ZNF345: variants seen among roughly 807,000 people sequenced by gnomAD.
ZNF345 encodes zinc finger protein 345, also known as zinc finger protein HZF10.
For missense variants in ZNF345, 527 were observed against 589.9 expected, an observed-to-expected ratio of 0.89 and a Z score of 1.10; for synonymous variants, 166 against 187.9, an observed-to-expected ratio of 0.88 and a Z score of 0.95.
At chr19:36,870,361 T>G (rs773692062) in intron 2 of ZNF345, among the ~76,000 whole-genome samples, 8 of 152,202 alleles carry the variant, frequency 5.3e-5, no homozygotes, top group Non-Finnish European at 7.3e-5. Context: ...TTTCTTGGGT[T>G]TAGAGACATC....
rs963729444 is a variant in ZNF345 at position 36,885,593 on chromosome 19, T to C, written c.47-7225T>C. ...TGTGTGCGTGTGTGTGTGTGTTTCA[T>C]GCCTACAAACTTATGAAGGTATTCT... is the stretch of plus-strand genomic sequence containing the variant. On this transcript the variant is annotated intron_variant, in intron 3 of 3. Coordinates refer to the ZNF345 transcript ENST00000526123. Among the ~76,000 whole-genome samples, 5 of 152,144 alleles carry C rather than the reference T, an allele frequency of 3.3e-5. No individual in the cohort carries two copies. In the South Asian group the frequency reaches 8.3e-4, roughly 25 times the overall value.
At chr19:36,862,290 C>A (rs2072565138) in intron 2 of ZNF345, among the ~76,000 whole-genome samples, 1 of 152,048 alleles carries the variant, frequency 6.6e-6, no homozygotes, top group African/African-American at 2.4e-5. Flanking sequence ...TTTGTTAGTT[C>A]CTACCGTTTG....
rs1568366682 is a variant in ZNF345, at chr19:36,891,958, G to A, written c.47-860G>A. The A allele has an allele frequency of 5.6e-6, 9 of 1,613,704 alleles. No homozygotes were observed. In the South Asian group the frequency reaches 6.6e-5, roughly 12 times the overall value. The stretch of plus-strand genomic sequence containing the variant: ...ATGTAGAAAAAGTTGTGAACTTTTA[G>A]TAAAGGCTTTTCCACATACTTTACA... On this transcript the variant is annotated intron_variant, in intron 3 of 3. Coordinates refer to the ZNF345 transcript ENST00000526123.
At chr19:36,869,001 T>G (rs548232) in intron 2 of ZNF345, among the ~76,000 whole-genome samples, 3 of 152,194 alleles carry the variant, frequency 2.0e-5, no homozygotes, top group South Asian at 4.1e-4. Context: ...TCATGTTAAG[T>G]CTTCTAATCC....
At chr19:36,852,831 A>G (rs1388956423) in intron 2 of ZNF345, among the ~76,000 whole-genome samples, 1 of 150,648 alleles carries the variant, frequency 6.6e-6, no homozygotes, top group Non-Finnish European at 1.5e-5. Context: ...AATAAAGTTG[A>G]GCATTGATTC....
chr19:36,856,557 C>T (rs1172864672), intron 2 of ZNF345, among the ~76,000 whole-genome samples: 3 of 152,022 alleles, frequency 2.0e-5, no homozygotes, highest in Non-Finnish European at 4.4e-5. Flanking sequence ...TGTGTCACTT[C>T]TTAAGATTGT....
Position 36,878,429 on chromosome 19 carries a change from A to G in ZNF345, c.*132A>G, listed in dbSNP as rs139360979. 1.4e-6 allele frequency: 1 copy of G among 711,962 alleles called. No homozygotes were observed. Among genetic ancestry groups the G allele is most frequent in the Non-Finnish European group, 2.1e-6 (1 of 474,588 alleles). 44.1% of individuals were successfully genotyped at this position (711,962 alleles called of 1,614,324 possible). A position where few individuals can be genotyped will look rare whatever the true frequency, so the allele number is the denominator to read the frequency against. On this transcript the variant is annotated 3_prime_UTR_variant, in exon 3 of 3. Coordinates refer to ENST00000420450, the MANE Select transcript of ZNF345 (RefSeq NM_001242472.2). ...CAGGTTAGTCAGTCTAAGAATATTT[A>G]TACAGGAAAAAAATCACCCCAAATA...
chr19:36,859,974 T>G (rs111720868), intron 2 of ZNF345, among the ~76,000 whole-genome samples: 2,798 of 152,180 alleles, frequency 0.018, 93 homozygotes, highest in African/African-American at 0.064. Flanking sequence ...TTGTTTGTTT[T>G]TTTGAGACAG....
chr19:36,879,692 TC>T (rs1401306001), downstream of ZNF345: 1 of 154,662 alleles, frequency 6.5e-6, no homozygotes, highest in Non-Finnish European at 1.5e-5. Context: ...AGCCGGCCTT[TC>T]CTTTGAGCAG....
intron 2 of ZNF345, among the ~76,000 whole-genome samples, chr19:36,871,076 G>A (rs536152685): frequency 1.3e-5 from 2 of 152,322 alleles, no homozygotes; most frequent in Non-Finnish European, 2.9e-5. Context: ...TGTGGAGGCT[G>A]GAAAGTACAT....
At chr19:36,880,075 A>G (rs985272220), downstream of ZNF345, among the ~76,000 whole-genome samples, 5 of 152,192 alleles carry the variant, frequency 3.3e-5, no homozygotes, top group African/African-American at 1.2e-4. Flanking sequence ...TCACACCTGT[A>G]ATTTCAGCAC....
chr19:36,855,447 CTTTTT>C (rs34265794), intron 2 of ZNF345, among the ~76,000 whole-genome samples: 4 of 58,586 alleles, frequency 6.8e-5, no homozygotes, highest in African/African-American at 2.8e-4. Context: ...CGAGCCTGGC[CTTTTT>C]TTTTTTTTTT....
At chr19:36,851,194 G>A (rs2146106055) in intron 1 of ZNF345, 2 of 152,840 alleles carry the variant, frequency 1.3e-5, no homozygotes, top group Middle Eastern at 3.3e-3. Context: ...CACTGTGTTT[G>A]CGAGTGTGAG....
At chr19:36,865,548 C>T (rs963146257) in intron 2 of ZNF345, among the ~76,000 whole-genome samples, 2 of 152,062 alleles carry the variant, frequency 1.3e-5, no homozygotes, top group South Asian at 4.2e-4. Flanking sequence ...GCAACCTCCA[C>T]CTCCCAGGTT....
At chr19:36,891,977 C>T (rs1448494844) in intron 3 of ZNF345, 3 of 1,613,918 alleles carry the variant, frequency 1.9e-6, no homozygotes, top group South Asian at 2.2e-5. Flanking sequence ...TTTCCACATA[C>T]TTTACATTCA....
intron 2 of ZNF345, among the ~76,000 whole-genome samples, chr19:36,869,606 T>G (rs1435103360): frequency 6.6e-6 from 1 of 152,086 alleles, no homozygotes. Context: ...TAGCATAAAC[T>G]CAGGTGTGAT....
intron 2 of ZNF345, among the ~76,000 whole-genome samples, chr19:36,860,321 TAC>T (rs1329331020): frequency 1.3e-5 from 2 of 152,212 alleles, no homozygotes; most frequent in African/African-American, 4.8e-5. Flanking sequence ...TAACCCACAG[TAC>T]AGTTATTAAA....
At chr19:36,864,467 A>G (rs1435446466) in intron 2 of ZNF345, among the ~76,000 whole-genome samples, 1 of 151,942 alleles carries the variant, frequency 6.6e-6, no homozygotes, top group African/African-American at 2.4e-5. Flanking sequence ...GTGAGCTATG[A>G]TTGTGCCTGG....
At chr19:36,855,715 G>C (rs1467395199) in intron 2 of ZNF345, among the ~76,000 whole-genome samples, 2 of 151,456 alleles carry the variant, frequency 1.3e-5, no homozygotes. Flanking sequence ...GCCTCACAAA[G>C]TGTTGGGATT....
Sources: allele counts gnomAD v4.1 joint callset (sites outside exome capture counted in the v4.1 genomes callset), GRCh38; gene constraint gnomAD v4.1.1; transcripts MANE v1.5; gene names NCBI Gene and HGNC (gene_info 2026-07-23, HGNC 2026-07-21).